The following STXBP5 variants were observed in gnomAD, a reference collection of about 807,000 sequenced individuals.
STXBP5 encodes syntaxin-binding protein 5.
In STXBP5, 50 loss-of-function variants were observed where a neutral mutation model predicts 152.4. That is an observed-to-expected ratio of 0.33 (90% CI 0.26 to 0.42). STXBP5 has a LOEUF of 0.42. Ranked by LOEUF, STXBP5 falls within the 10% of genes least tolerant of loss-of-function variation. The pLI is 1.00. For missense variants in STXBP5, 1,167 were observed against 1,388.6 expected, an observed-to-expected ratio of 0.84 and a Z score of 2.54; for synonymous variants, 492 against 494.7, an observed-to-expected ratio of 0.99 and a Z score of 0.07.
intron 22 of STXBP5, among the ~76,000 whole-genome samples, chr6:147,354,361 A>G (rs1168711617): frequency 6.6e-6 from 1 of 152,168 alleles, no homozygotes; most frequent in Non-Finnish European, 1.5e-5. Flanking sequence ...TCATAGGAAA[A>G]ACAACTTAGT....
intron 4 of STXBP5, among the ~76,000 whole-genome samples, chr6:147,247,410 C>G (rs986519206): frequency 2.6e-5 from 4 of 152,128 alleles, no homozygotes; most frequent in African/African-American, 9.7e-5. Flanking sequence ...TAATTCTGAT[C>G]TACAAAGACA....
At chr6:147,252,094 A>G (rs748719300) in intron 4 of STXBP5, among the ~76,000 whole-genome samples, 6 of 152,174 alleles carry the variant, frequency 3.9e-5, no homozygotes, top group Non-Finnish European at 7.3e-5. Flanking sequence ...TCAAAGACCA[A>G]AGGTAGATAA....
At chr6:147,308,961 G>T (rs1439214306) in intron 9 of STXBP5, among the ~76,000 whole-genome samples, 1 of 152,118 alleles carries the variant, frequency 6.6e-6, no homozygotes, top group Non-Finnish European at 1.5e-5. Context: ...TCCAGTTTAA[G>T]AATTATCTGA....
intron 18 of STXBP5, 64 bp from the exon 19 acceptor site, chr6:147,334,093 T>C (rs374738587): frequency 6.5e-7 from 1 of 1,528,604 alleles, no homozygotes; most frequent in African/African-American, 1.4e-5. Context: ...GTACTATAAA[T>C]AAAAGACAAA....
rs182085176 is a variant in STXBP5, at chr6:147,276,893, A to G, written c.715-1188A>G. ...AGGAGCTCCTTAGGAATTAGAATCG[A>G]TTATGGTTTCTACTGAATGTATAGT... is the stretch of plus-strand genomic sequence containing the variant. On this transcript the variant is annotated intron_variant, in intron 7 of 27. Coordinates refer to ENST00000321680, the MANE Select transcript of STXBP5 (RefSeq NM_001127715.4). Among the ~76,000 whole-genome samples the G allele has an allele frequency of 1.0e-3, 153 of 152,198 alleles. 1 individual carries two copies. Among genetic ancestry groups the G allele is most frequent in the African/African-American group, 3.5e-3 (147 of 41,566 alleles).
At chr6:147,227,171 A>G (rs1777760878) in intron 2 of STXBP5, among the ~76,000 whole-genome samples, 2 of 152,186 alleles carry the variant, frequency 1.3e-5, no homozygotes, top group African/African-American at 2.4e-5. Context: ...TATTAATGGT[A>G]TAAGTCAGTT....
chr6:147,248,552 C>G (rs774845171), intron 4 of STXBP5, among the ~76,000 whole-genome samples: 6 of 152,092 alleles, frequency 3.9e-5, no homozygotes, highest in Non-Finnish European at 5.9e-5. Context: ...TGTGATGCAG[C>G]TGGAGCTTCT....
At chr6:147,310,049 G>T in intron 9 of STXBP5, 35 bp from the exon 10 acceptor site, 1 of 1,375,246 alleles carries the variant, frequency 7.3e-7, no homozygotes. Flanking sequence ...TCTTTACTAT[G>T]CCATTAATAA....
intron 21 of STXBP5, chr6:147,351,683 T>C (rs1398177695): frequency 9.9e-6 from 2 of 201,146 alleles, no homozygotes; most frequent in Non-Finnish European, 1.8e-5. Flanking sequence ...ATGGGGTGAC[T>C]TTTATAAATT....
At chr6:147,249,408 A>C (rs1419300957) in intron 4 of STXBP5, among the ~76,000 whole-genome samples, 1 of 152,182 alleles carries the variant, frequency 6.6e-6, no homozygotes, top group Non-Finnish European at 1.5e-5. Context: ...ATACTGCCCA[A>C]AACAAGCTGT....
Position 147,359,057 on chromosome 6 carries a change from A to G in STXBP5, c.2306-27A>G, listed in dbSNP as rs75603038. ...AATAACTTCTTTTATAACTTGAGCA[A>G]TCTCACAACATTTTTAACCATTTCA... On this transcript the variant is annotated intron_variant, in intron 22 of 27. Coordinates refer to ENST00000321680, the MANE Select transcript of STXBP5 (RefSeq NM_001127715.4). 4.2e-3 allele frequency: 6,793 copies of G among 1,601,102 alleles called. 225 individuals carry two copies. The African/African-American group carries it at 0.078, about 18-fold the overall frequency.
chr6:147,265,693 G>T (rs568934421), intron 6 of STXBP5, among the ~76,000 whole-genome samples: 1 of 151,970 alleles, frequency 6.6e-6, no homozygotes, highest in Non-Finnish European at 1.5e-5. Context: ...TGTGGGCAGC[G>T]TACATAGTTT....
chr6:147,211,797 T>C (rs1454819351), intron 2 of STXBP5, among the ~76,000 whole-genome samples: 1 of 152,142 alleles, frequency 6.6e-6, no homozygotes, highest in African/African-American at 2.4e-5. Context: ...TCCAGGCTGG[T>C]CTTGAACTCC....
At chr6:147,353,748 CTTAAAAT>C (rs2128408418) in intron 22 of STXBP5, among the ~76,000 whole-genome samples, 1 of 152,140 alleles carries the variant, frequency 6.6e-6, no homozygotes, top group Non-Finnish European at 1.5e-5. Context: ...TAATGAAATA[CTTAAAAT>C]TTAAAATAGA....
rs1786336062 is a variant in STXBP5, at chr6:147,386,307, G to T, written c.*1552G>T. Reference sequence around the variant, plus strand: ...GAGATAATCAGAGCACAAATTGATAGTAAACAGGATGGTTGTTTTTCTATT... The same window carrying T: ...GAGATAATCAGAGCACAAATTGATATTAAACAGGATGGTTGTTTTTCTATT... On this transcript the variant is annotated 3_prime_UTR_variant, in exon 28 of 28. Transcript: ENST00000321680. 6.6e-6 allele frequency: 1 copy of T among 151,784 alleles called. No individual in the cohort carries two copies. The allele number at this position is 151,784 out of a possible 1,614,324, so 9.4% of individuals were successfully genotyped here.
intron 4 of STXBP5, among the ~76,000 whole-genome samples, chr6:147,258,853 A>T (rs1485955544): frequency 1.3e-5 from 2 of 152,000 alleles, no homozygotes; most frequent in African/African-American, 4.8e-5. Flanking sequence ...AACCCTCCAT[A>T]AGGTAAGGAT....
intron 9 of STXBP5, among the ~76,000 whole-genome samples, chr6:147,293,730 G>T (rs2128354636): frequency 6.6e-6 from 1 of 152,186 alleles, no homozygotes; most frequent in East Asian, 1.9e-4. Context: ...AGCCTCATTG[G>T]CCAGGTTAGG....
At chr6:147,306,952 T>C (rs1782125828) in intron 9 of STXBP5, among the ~76,000 whole-genome samples, 1 of 152,226 alleles carries the variant, frequency 6.6e-6, no homozygotes, top group African/African-American at 2.4e-5. Flanking sequence ...ATAGGAGCAC[T>C]GCTTTATTCC....
intron 9 of STXBP5, among the ~76,000 whole-genome samples, chr6:147,307,717 C>G (rs1232177599): frequency 6.6e-6 from 1 of 152,022 alleles, no homozygotes; most frequent in Admixed American, 6.6e-5. Context: ...ATAGATTTGG[C>G]AAATGTTTAT....
Sources: gnomAD v4.1 joint callset for allele counts (sites outside exome capture counted in the v4.1 genomes callset) on GRCh38, gnomAD v4.1.1 for gene constraint, MANE v1.5 for transcripts, NCBI Gene and HGNC (gene_info 2026-07-23, HGNC 2026-07-21) for gene names.